SLC25A48: variants seen among roughly 807,000 people sequenced by gnomAD.
The protein encoded by SLC25A48 is solute carrier family 25 member 48, also known as CTC-321K16.1.
Under a neutral mutation model 32.2 loss-of-function variants are expected in SLC25A48, and 29 were observed. The ratio of observed to expected loss-of-function variants is 0.90; its 90% CI spans 0.67 to 1.23. The LOEUF is 1.23. SLC25A48 is among the 50% of genes most tolerant of loss of function. The pLI is 0.00. For missense variants in SLC25A48, 399 were observed against 422.7 expected (o/e 0.94, Z 0.49); for synonymous variants, 164 against 172.3 (o/e 0.95, Z 0.38).
chr5:135,863,614 C>G (rs1437469050), intron 4 of SLC25A48, among the ~76,000 whole-genome samples: 1 of 152,162 alleles, frequency 6.6e-6, no homozygotes, highest in Non-Finnish European at 1.5e-5. Flanking sequence ...AATGCCCATT[C>G]CATTATCATC....
At chr5:135,689,385 A>G (rs1382269263) in intron 3 of SLC25A48, among the ~76,000 whole-genome samples, 4 of 152,164 alleles carry the variant, frequency 2.6e-5, no homozygotes, top group Non-Finnish European at 5.9e-5. Context: ...GAATCAGATA[A>G]TTGGTCAATT....
At chr5:135,873,899 A>G (rs1761854285) in intron 5 of SLC25A48, 122 bp from the exon 6 acceptor site, 2 of 1,146,060 alleles carry the variant, frequency 1.7e-6, no homozygotes, top group Non-Finnish European at 2.3e-6. Context: ...GCAGGTTCTA[A>G]GCCTGAGCTC....
At chr5:135,654,002 G>A (rs1753181713) in intron 3 of SLC25A48, 2 of 433,502 alleles carry the variant, frequency 4.6e-6, no homozygotes, top group African/African-American at 2.0e-5. Context: ...GCCATATAGA[G>A]CCCCTGTTTC....
intron 3 of SLC25A48, among the ~76,000 whole-genome samples, chr5:135,639,691 C>T (rs1752788258): frequency 1.3e-5 from 2 of 152,176 alleles, no homozygotes; most frequent in Admixed American, 1.3e-4. Flanking sequence ...AAGGACCATG[C>T]TCTAGAGTAA....
chr5:135,702,963 T>A (rs1754427041), intron 3 of SLC25A48, among the ~76,000 whole-genome samples: 1 of 152,172 alleles, frequency 6.6e-6, no homozygotes, highest in Admixed American at 6.5e-5. Context: ...TTTGAGTGAA[T>A]GTACTTGAGC....
chr5:135,616,905 T>C (rs992345935), intron 1 of SLC25A48, among the ~76,000 whole-genome samples: 3 of 152,208 alleles, frequency 2.0e-5, no homozygotes, highest in African/African-American at 7.2e-5. Context: ...ATCAGGGATA[T>C]GACCTGTAGT....
chr5:135,717,912 G>A (rs920215660), intron 3 of SLC25A48, among the ~76,000 whole-genome samples: 5 of 152,150 alleles, frequency 3.3e-5, no homozygotes, highest in African/African-American at 4.8e-5. Flanking sequence ...TCAGGTAAAC[G>A]GCGTCTCTCC....
intron 1 of SLC25A48, among the ~76,000 whole-genome samples, chr5:135,610,345 T>C (rs1376934713): frequency 6.6e-6 from 1 of 152,244 alleles, no homozygotes; most frequent in East Asian, 1.9e-4. Context: ...GTGCTGACTT[T>C]TAATATAATT....
intron 3 of SLC25A48, among the ~76,000 whole-genome samples, chr5:135,783,054 G>T (rs181190801): frequency 2.6e-5 from 3 of 115,894 alleles, no homozygotes; most frequent in African/African-American, 7.9e-5. Flanking sequence ...CTAATTTCAA[G>T]GTGGGGAGAG....
intron 3 of SLC25A48, among the ~76,000 whole-genome samples, chr5:135,662,445 C>G (rs1325355993): frequency 6.6e-6 from 1 of 152,178 alleles, no homozygotes; most frequent in Non-Finnish European, 1.5e-5. Context: ...TCTTTCTGTT[C>G]TGGTAACTGT....
chr5:135,772,630 G>A (rs1430116074), intron 3 of SLC25A48, among the ~76,000 whole-genome samples: 5 of 150,572 alleles, frequency 3.3e-5, no homozygotes, highest in African/African-American at 1.2e-4. Flanking sequence ...AATAACTGGA[G>A]GGGGGGAGAA....
chr5:135,715,223 A>G (rs1475858296), intron 3 of SLC25A48, among the ~76,000 whole-genome samples: 1 of 152,214 alleles, frequency 6.6e-6, no homozygotes, highest in Non-Finnish European at 1.5e-5. Flanking sequence ...TGCTGATTTG[A>G]TATTTACAAT....
intron 4 of SLC25A48, among the ~76,000 whole-genome samples, chr5:135,855,368 C>T (rs935482708): frequency 1.3e-5 from 2 of 152,182 alleles, no homozygotes; most frequent in Non-Finnish European, 2.9e-5. Context: ...CAGTAACTGT[C>T]ATTGATTAAG....
At chr5:135,844,477 A>C (rs1759254286) in intron 2 of SLC25A48, among the ~76,000 whole-genome samples, 1 of 152,212 alleles carries the variant, frequency 6.6e-6, no homozygotes, top group Admixed American at 6.5e-5. Flanking sequence ...GGGAGGCAGC[A>C]TGGCCAAGCC....
intron 3 of SLC25A48, among the ~76,000 whole-genome samples, chr5:135,672,022 A>G (rs1580773131): frequency 6.6e-6 from 1 of 152,224 alleles, no homozygotes; most frequent in East Asian, 1.9e-4. Context: ...AGCAAAGCCA[A>G]CCATTAGCTT....
Position 135,798,903 on chromosome 5 carries a change from T to C in SLC25A48, c.-520-13620T>C, listed in dbSNP as rs141090068. Among the ~76,000 whole-genome samples, 94 of 151,506 alleles carry C rather than the reference T, an allele frequency of 6.2e-4. 1 individual carries two copies. The East Asian group carries it at 0.018, about 28-fold the overall frequency. The stretch of plus-strand genomic sequence containing the variant: ...ATATCCATGGGGATGACGATGATAT[T>C]GCTGTCAATATCCTAAAGAGTGTAC... On this transcript the variant is annotated intron_variant, in intron 3 of 10. Transcript: ENST00000646290.
At chr5:135,621,817 G>C (rs1298965814) in intron 1 of SLC25A48, among the ~76,000 whole-genome samples, 1 of 152,110 alleles carries the variant, frequency 6.6e-6, no homozygotes, top group African/African-American at 2.4e-5. Context: ...ACAGAGTAGA[G>C]AATCTAGTTC....
chr5:135,863,432 T>A (rs1760958448), intron 4 of SLC25A48, among the ~76,000 whole-genome samples: 1 of 152,136 alleles, frequency 6.6e-6, no homozygotes, highest in African/African-American at 2.4e-5. Flanking sequence ...GAAGTGACAG[T>A]TGAGGTCATA....
chr5:135,831,617 G>T (rs189010599), upstream of SLC25A48, among the ~76,000 whole-genome samples: 91 of 152,358 alleles, frequency 6.0e-4, 1 homozygote, highest in African/African-American at 2.1e-3. Flanking sequence ...TTAGCCAGGG[G>T]AGGAGGGAGA....
Sources: gnomAD v4.1 joint callset for allele counts (sites outside exome capture counted in the v4.1 genomes callset) on GRCh38, gnomAD v4.1.1 for gene constraint, MANE v1.5 for transcripts, NCBI Gene and HGNC (gene_info 2026-07-23, HGNC 2026-07-21) for gene names.